Variants in VPS13B observed in about 807,000 individuals in gnomAD.
VPS13B encodes intermembrane lipid transfer protein VPS13B.
In VPS13B, 285 loss-of-function variants were observed where a neutral mutation model predicts 426.4. That is an observed-to-expected ratio of 0.67 (90% CI 0.61 to 0.74). The LOEUF (loss-of-function observed/expected upper bound fraction) is 0.74. Ranked by LOEUF, VPS13B falls within the 30% of genes least tolerant of loss-of-function variation. The pLI is 0.00. For missense variants in VPS13B, 4,537 were observed against 4,782.6 expected (o/e 0.95, Z 1.51); for synonymous variants, 1,676 against 1,676.4 (o/e 1.00, Z 0.01).
At position 99,818,780 on chromosome 8, in the gene VPS13B, A is replaced by G. The variant is rs1814195992; in HGVS notation, c.8513A>G (p.Lys2838Arg). The G allele has an allele frequency of 1.2e-6, 2 of 1,613,948 alleles. No homozygotes were observed. The highest frequency in any genetic ancestry group is 2.2e-5 in the South Asian group (2 of 91,076). ...GACCCCATTATCATACATTTGGAGA[A>G]AAGGAGTCTGGGATTGAGTGAAACA... ...LPDPIIIHLE[K>R]RSLGLSETQI... The change falls in exon 47 of 62, where the codon AAA (lysine) becomes AGA (arginine). Residue 2838 changes from lysine to arginine, a missense_variant. Coordinates refer to ENST00000357162, the MANE Select transcript of VPS13B (RefSeq NM_152564.5).
chr8:99,699,593 A>C lies in VPS13B; in HGVS notation c.6115A>C (p.Asn2039His), dbSNP rs1394560367. Residue 2039 changes from asparagine (N) to histidine (H), a missense_variant, in exon 36 of 62, where the codon AAC becomes CAC. This residue lies in a region of VPS13B where 4,311 missense variants were observed against 4,474.3 expected (regional missense o/e 0.96). Coordinates refer to ENST00000357162, the MANE Select transcript of VPS13B (RefSeq NM_152564.5). ...NLSFTKLDQINLFLKKIKNAH... is the reference protein window; with the variant it reads ...NLSFTKLDQIHLFLKKIKNAH... ...GAGTTTCACCAAACTGGATCAGATA[A>C]ACCTTTTTTTAAAGAAGATAAAAAA... 6.8e-6 allele frequency: 11 copies of C among 1,614,120 alleles called. No homozygotes were observed. In the East Asian group the frequency reaches 2.2e-4, roughly 33 times the overall value.
intron 17 of VPS13B, among the ~76,000 whole-genome samples, chr8:99,211,729 A>T (rs1011345340): frequency 1.3e-5 from 2 of 151,844 alleles, no homozygotes; most frequent in African/African-American, 4.8e-5. Context: ...GTGAGCCAAG[A>T]TCGCGCCACT....
At chr8:99,038,662 A>G (rs1842844308) in intron 3 of VPS13B, 96 bp downstream of exon 3, 2 of 987,986 alleles carry the variant, frequency 2.0e-6, no homozygotes, top group Middle Eastern at 3.3e-4. Context: ...TTACATAAAC[A>G]TATCTTAGCT....
At chr8:99,424,034 T>G (rs1299823352) in intron 21 of VPS13B, among the ~76,000 whole-genome samples, 2 of 152,174 alleles carry the variant, frequency 1.3e-5, no homozygotes, top group Non-Finnish European at 2.9e-5. Flanking sequence ...TATTATTGTG[T>G]GGGAGTCTAA....
chr8:99,349,168 C>G (rs948105100), intron 19 of VPS13B, among the ~76,000 whole-genome samples: 3 of 148,826 alleles, frequency 2.0e-5, no homozygotes, highest in African/African-American at 7.4e-5. Flanking sequence ...CCCGTCTCTA[C>G]TAAAAATACA....
intron 43 of VPS13B, among the ~76,000 whole-genome samples, chr8:99,788,878 G>T (rs1023070111): frequency 2.6e-5 from 4 of 152,088 alleles, no homozygotes; most frequent in African/African-American, 9.7e-5. Context: ...GTAGACTAAA[G>T]GTTTGATTTA....
intron 19 of VPS13B, among the ~76,000 whole-genome samples, chr8:99,298,806 A>G (rs1363507146): frequency 1.3e-5 from 2 of 152,122 alleles, no homozygotes; most frequent in Non-Finnish European, 2.9e-5. Flanking sequence ...CCCAAGTGTT[A>G]TTTTTTCATT....
chr8:99,434,022 G>A (rs1051697398), intron 22 of VPS13B, among the ~76,000 whole-genome samples: 8 of 152,038 alleles, frequency 5.3e-5, no homozygotes, highest in Non-Finnish European at 1.2e-4. Flanking sequence ...TGGCCAGGCT[G>A]GTCTAGAATT....
intron 19 of VPS13B, among the ~76,000 whole-genome samples, chr8:99,277,812 T>C (rs149096091): frequency 6.6e-6 from 1 of 152,332 alleles, no homozygotes; most frequent in Non-Finnish European, 1.5e-5. Context: ...TTTTGTCTCT[T>C]TTTGGTCACT....
chr8:99,825,336 G>T (rs1366909978), intron 51 of VPS13B, among the ~76,000 whole-genome samples: 1 of 151,864 alleles, frequency 6.6e-6, no homozygotes, highest in South Asian at 2.1e-4. Context: ...GTGATGATGA[G>T]TTTTTTTTCA....
intron 51 of VPS13B, among the ~76,000 whole-genome samples, chr8:99,828,535 G>T (rs1814864472): frequency 6.6e-6 from 1 of 150,474 alleles, no homozygotes; most frequent in Non-Finnish European, 1.5e-5. Flanking sequence ...ACACTGATAG[G>T]TGTTGACTCC....
chr8:99,846,537 G>T (rs1172100291), intron 54 of VPS13B, among the ~76,000 whole-genome samples: 1 of 152,166 alleles, frequency 6.6e-6, no homozygotes, highest in Non-Finnish European at 1.5e-5. Context: ...AACCCCTAGA[G>T]CTGCCATCAT....
chr8:99,230,354 G>A (rs1816256159), intron 17 of VPS13B, among the ~76,000 whole-genome samples: 1 of 152,114 alleles, frequency 6.6e-6, no homozygotes, highest in South Asian at 2.1e-4. Context: ...TAGGTTTCCT[G>A]CATATAGCAG....
intron 3 of VPS13B, among the ~76,000 whole-genome samples, chr8:99,067,844 C>T (rs1220507101): frequency 6.6e-6 from 1 of 152,040 alleles, no homozygotes; most frequent in African/African-American, 2.4e-5. Flanking sequence ...ATCTGAAATG[C>T]ATTCTTTTCT....
intron 17 of VPS13B, among the ~76,000 whole-genome samples, chr8:99,202,015 C>A (rs1221509412): frequency 6.6e-6 from 1 of 152,260 alleles, no homozygotes; most frequent in Middle Eastern, 3.4e-3. Flanking sequence ...TGGGCTTAAT[C>A]TGTTGTTCTT....
chr8:99,032,161 T>G (rs529839667), intron 2 of VPS13B, among the ~76,000 whole-genome samples: 1 of 152,334 alleles, frequency 6.6e-6, no homozygotes, highest in East Asian at 1.9e-4. Context: ...GGTGCTCTCC[T>G]TTCCCCTTTA....
At chr8:99,041,850 C>G (rs1842978963) in intron 3 of VPS13B, among the ~76,000 whole-genome samples, 1 of 138,356 alleles carries the variant, frequency 7.2e-6, no homozygotes, top group South Asian at 2.3e-4. Context: ...GAGACTCTGT[C>G]TCCAAAAAAA....
intron 7 of VPS13B, chr8:99,120,614 T>C (rs1051213990): frequency 6.6e-6 from 1 of 152,178 alleles, no homozygotes; most frequent in Non-Finnish European, 1.5e-5. Flanking sequence ...AACATTATTA[T>C]TTTTCTTAAC....
At chr8:99,728,499 C>T (rs941542057) in intron 39 of VPS13B, among the ~76,000 whole-genome samples, 1 of 152,284 alleles carries the variant, frequency 6.6e-6, no homozygotes, top group Admixed American at 6.5e-5. Flanking sequence ...TCTTCTTTCC[C>T]ATATCAATTG....
Sources: gnomAD v4.1 joint callset for allele counts (sites outside exome capture counted in the v4.1 genomes callset) on GRCh38, gnomAD v4.1.1 for gene constraint, gnomAD v4.1.1 regional missense constraint, MANE v1.5 for transcripts, NCBI Gene and HGNC (gene_info 2026-07-23, HGNC 2026-07-21) for gene names.